The following NSD2 variants were observed in gnomAD, a reference collection of about 807,000 sequenced individuals.
The protein encoded by NSD2 is nuclear receptor binding SET domain protein 2.
NSD2 carries 12 observed loss-of-function variants against 139.0 expected under a neutral mutation model. The ratio of observed to expected loss-of-function variants is 0.09; its 90% confidence interval spans 0.06 to 0.14. The LOEUF is 0.14. Among genes scored for constraint, NSD2 ranks in the 10% least tolerant of loss-of-function variants. The pLI, the probability that NSD2 is intolerant of heterozygous loss-of-function variation, is 1.00. For missense variants in NSD2, 1,155 were observed against 1,745.0 expected (o/e 0.66, Z 6.02); for synonymous variants, 669 against 648.7 (o/e 1.03, Z -0.48).
intron 8 of NSD2, chr4:1,939,402 G>C (rs1722839248): frequency 1.9e-6 from 1 of 519,850 alleles, no homozygotes; most frequent in Non-Finnish European, 3.5e-6. Context: ...GTGGAACCAG[G>C]TATGGATAGA....
Position 1,972,185 on chromosome 4 carries a change from A to G in NSD2, c.3373-2678A>G, listed in dbSNP as rs367742185. Among the ~76,000 whole-genome samples the G allele has an allele frequency of 2.0e-4, 30 of 152,332 alleles. No homozygotes were observed. The highest frequency in any genetic ancestry group is 7.0e-4 in the African/African-American group (29 of 41,576). ...TTTCCCCTGCCCTCCTCATGTATGC[A>G]GAGCCACAAAGAGCATTGATGCGTG... On this transcript the variant is annotated intron_variant, in intron 18 of 21. Transcript: ENST00000508803. This position sits in a 1 kb window ranked among gnomAD's most constrained non-coding sequence, Gnocchi z 4.0.
At chr4:1,952,978 C>G in intron 11 of NSD2, 2 of 1,435,290 alleles carry the variant, frequency 1.4e-6, no homozygotes, top group Non-Finnish European at 1.8e-6. Context: ...GTGACTGCTC[C>G]ACCACTGGCC....
In NSD2 at chr4:1,956,994, T is replaced by C. The variant is rs564014869; in HGVS notation, c.2881+806T>C. Among the ~76,000 whole-genome samples, 2 of 152,308 alleles carry C rather than the reference T, an allele frequency of 1.3e-5. No homozygotes were observed. Among genetic ancestry groups the C allele is most frequent in the East Asian group, 1.9e-4 (1 of 5,178 alleles). On this transcript the variant is annotated intron_variant, in intron 15 of 21. Transcript: ENST00000508803. This position sits in a 1 kb window ranked among gnomAD's most constrained non-coding sequence, Gnocchi z 5.3. Reference sequence around the variant, plus strand: ...GGCATTGAAAGATTTTAAAAAATTATTAAGAGGGCGAGACGAAATTGAGAG... The same window carrying C: ...GGCATTGAAAGATTTTAAAAAATTACTAAGAGGGCGAGACGAAATTGAGAG...
chr4:1,935,360 T>G, intron 7 of NSD2, 98 bp downstream of exon 7: 2 of 872,508 alleles, frequency 2.3e-6, no homozygotes, highest in Non-Finnish European at 3.6e-6. Context: ...GAGATGCAGG[T>G]GTCAGTGCAC....
intron 1 of NSD2, among the ~76,000 whole-genome samples, chr4:1,894,191 G>A (rs924750453): frequency 2.6e-5 from 4 of 151,944 alleles, no homozygotes; most frequent in African/African-American, 4.8e-5. Context: ...TCCTGACCTC[G>A]AGTGATCTTC....
At chr4:1,918,752 A>G (rs1036014157) in intron 5 of NSD2, 129 bp downstream of exon 5, 20 of 1,293,830 alleles carry the variant, frequency 1.5e-5, no homozygotes, top group Non-Finnish European at 2.1e-5. Context: ...TTTTAGATCT[A>G]ATAAATAAGT....
chr4:1,932,489 G>A (rs909116373), intron 6 of NSD2, among the ~76,000 whole-genome samples: 1 of 151,134 alleles, frequency 6.6e-6, no homozygotes, highest in African/African-American at 2.4e-5. Context: ...GCTCCCGCCT[G>A]TAATCCCAGC....
rs1274245443 is a variant in NSD2, at chr4:1,981,837, A to G, written c.*2928A>G. The stretch of plus-strand genomic sequence containing the variant: ...CCAAATATCTTGATCCTATGAGTGT[A>G]GTTGATGACTGTTTGTTAGTCAGTA... On this transcript the variant is annotated 3_prime_UTR_variant, in exon 22 of 22. Coordinates refer to ENST00000508803, the MANE Select transcript of NSD2 (RefSeq NM_001042424.3). The G allele has an allele frequency of 5.0e-6, 2 of 398,160 alleles. No individual in the cohort carries two copies. The highest frequency in any genetic ancestry group is 8.8e-6 in the Non-Finnish European group (2 of 226,078). 24.7% of individuals were successfully genotyped at this position (398,160 alleles called of 1,614,324 possible). A position where few individuals can be genotyped will look rare whatever the true frequency, so the allele number is the denominator to read the frequency against.
chr4:1,941,737 A>G (rs1723120761), intron 9 of NSD2: 2 of 1,047,638 alleles, frequency 1.9e-6, no homozygotes, highest in South Asian at 4.6e-5. Context: ...CTACTTTTGT[A>G]TGGCTTAGAT....
chr4:1,909,821 A>G (rs1488386642), intron 3 of NSD2, among the ~76,000 whole-genome samples: 3 of 151,672 alleles, frequency 2.0e-5, no homozygotes, highest in Admixed American at 1.3e-4. Flanking sequence ...TTGTATTTTT[A>G]GTAGAGCTGG....
At position 1,946,258 on chromosome 4, in the gene NSD2, A is replaced by ATTAT. The variant is rs569689868; in HGVS notation, c.1882-4794_1882-4791dup. 9.5e-4 allele frequency: 910 copies of ATTAT among 959,354 alleles called. 5 individuals carry two copies. The African/African-American group carries it at 0.012, about 13-fold the overall frequency. The allele number at this position is 959,354 out of a possible 1,614,324, so 59.4% of individuals were successfully genotyped here. On this transcript the variant is annotated intron_variant, in intron 9 of 21. Coordinates refer to ENST00000508803, the MANE Select transcript of NSD2 (RefSeq NM_001042424.3). ...AATTTGGGGGGTCTTGCATTTATTTATTATTTATTTATTTATTTATTTAGA... is the reference window on the plus strand; with the variant it reads ...AATTTGGGGGGTCTTGCATTTATTTATTATTTATTTATTTATTTATTTATTTAGA...
intron 3 of NSD2, among the ~76,000 whole-genome samples, chr4:1,907,651 C>CT (rs1718111692): frequency 8.1e-6 from 1 of 123,208 alleles, no homozygotes; most frequent in South Asian, 2.7e-4. Context: ...GACACAGTCT[C>CT]ACTCTGTTGC....
intron 3 of NSD2, among the ~76,000 whole-genome samples, chr4:1,905,060 G>A (rs564934340): frequency 6.6e-6 from 1 of 152,228 alleles, no homozygotes; most frequent in South Asian, 2.1e-4. Context: ...AACCCGGGAG[G>A]TGGAGGTTGC....
intron 1 of NSD2, among the ~76,000 whole-genome samples, chr4:1,892,436 G>A (rs1432364106): frequency 3.3e-5 from 5 of 152,128 alleles, no homozygotes; most frequent in African/African-American, 9.7e-5. Flanking sequence ...TAACGTGTCA[G>A]GTAATACTGT....
intron 7 of NSD2, among the ~76,000 whole-genome samples, chr4:1,936,384 G>T (rs181264681): frequency 6.6e-6 from 1 of 152,140 alleles, no homozygotes; most frequent in Admixed American, 6.6e-5. Flanking sequence ...TTCGATAATA[G>T]TTCTGGCCGG....
In NSD2 at chr4:1,940,143, G is replaced by A. The variant is rs935623832; in HGVS notation, c.1881+365G>A. On this transcript the variant is annotated intron_variant, in intron 9 of 21. Transcript: ENST00000508803. Reference sequence around the variant, plus strand: ...TCTGCGTTGGTTCTGAAAGGGCACAGTGTCAGTTGAGCTGACATATACTGG... The same window carrying A: ...TCTGCGTTGGTTCTGAAAGGGCACAATGTCAGTTGAGCTGACATATACTGG... 6.2e-6 allele frequency: 7 copies of A among 1,137,122 alleles called. No individual in the cohort carries two copies. In the African/African-American group the frequency reaches 7.7e-5, roughly 13 times the overall value. 70.4% of individuals were successfully genotyped at this position (1,137,122 alleles called of 1,614,324 possible).
Position 1,976,561 on chromosome 4 carries a change from G to T in NSD2, c.3708G>T (p.Arg1236Ser). Residue 1236 changes from arginine to serine, a missense_variant, in exon 21 of 22, where the codon AGG becomes AGT. Arg to Ser is a moderately radical substitution (Grantham distance 110, BLOSUM62 -1). This residue lies in a region of NSD2 where 39 missense variants were observed against 43.5 expected (regional missense o/e 0.90). Transcript: ENST00000508803. The surrounding 1 kb of genome is among the most constrained non-coding windows in gnomAD (Gnocchi z 5.3). ...GCAGAGCAAAAGGGGAAGGGAAGAG[G>T]CAGTCAGAGGACGAGTGCTTCCGCT... ...RRRRAKGEGKRQSEDECFRCG... is the reference protein window; with the variant it reads ...RRRRAKGEGKSQSEDECFRCG... 1.2e-6 allele frequency: 2 copies of T among 1,613,744 alleles called. No homozygotes were observed. The highest frequency in any genetic ancestry group is 2.2e-5 in the East Asian group (1 of 44,864).
chr4:1,905,825 C>A (rs1039572272), intron 3 of NSD2, among the ~76,000 whole-genome samples: 9 of 152,278 alleles, frequency 5.9e-5, no homozygotes, highest in African/African-American at 1.7e-4. Context: ...TGCCAGAATT[C>A]GGGGATTCCT....
At chr4:1,934,094 T>TTTTTGTTTTTCG (rs1186501941) in intron 6 of NSD2, among the ~76,000 whole-genome samples, 1 of 147,846 alleles carries the variant, frequency 6.8e-6, no homozygotes, top group Non-Finnish European at 1.5e-5. Context: ...TTGTTTTTCG[T>TTTTTGTTTTTCG]TTTTTTTTTA....
Sources: allele counts gnomAD v4.1 joint callset (sites outside exome capture counted in the v4.1 genomes callset), GRCh38; gene constraint gnomAD v4.1.1; regional missense constraint gnomAD v4.1.1; non-coding constraint Gnocchi (gnomAD v3.1); transcripts MANE v1.5; gene names NCBI Gene and HGNC (gene_info 2026-07-23, HGNC 2026-07-21).